GRTP1: variants seen among roughly 807,000 people sequenced by gnomAD.
The protein encoded by GRTP1 is growth hormone-regulated TBC protein 1.
GRTP1 carries 56 observed loss-of-function variants against 38.1 expected under a neutral mutation model. The observed-to-expected ratio is 1.47, with a 90% CI of 1.19 to 1.84. GRTP1 has a LOEUF of 1.84. Among genes scored for constraint, GRTP1 ranks in the 40% most tolerant of loss-of-function variants. GRTP1 has a pLI of 0.00. For synonymous variants in GRTP1, 217 were observed against 189.5 expected (o/e 1.14, Z -1.19); for missense variants, 506 against 453.9 (o/e 1.11, Z -1.04).
intron 5 of GRTP1, among the ~76,000 whole-genome samples, chr13:113,331,359 C>G (rs2139408770): frequency 6.6e-6 from 1 of 152,296 alleles, no homozygotes; most frequent in South Asian, 2.1e-4. Context: ...ATGGCCTTGC[C>G]TCTGTGAGTG....
In GRTP1 at chr13:113,355,503, A is replaced by G; in HGVS notation, c.182-22T>C. ...TTCACTGAAGGCCGAGAGGACGGAC[A>G]GCGTGTGAGCTGGACCAGGGGCCTG... On this transcript the variant is annotated intron_variant, in intron 2 of 7. Coordinates refer to ENST00000375431, the MANE Select transcript of GRTP1 (RefSeq NM_024719.4). The G allele has an allele frequency of 3.1e-6, 5 of 1,594,554 alleles. No homozygotes were observed. In the South Asian group the frequency reaches 5.6e-5, roughly 18 times the overall value.
chr13:113,342,280 C>T lies in GRTP1; in HGVS notation c.562+2583G>A, dbSNP rs2043036473. On this transcript the variant is annotated intron_variant, in intron 5 of 7. Coordinates refer to ENST00000375431, the MANE Select transcript of GRTP1 (RefSeq NM_024719.4). This position sits in a 1 kb window ranked among gnomAD's most constrained non-coding sequence, Gnocchi z 4.5. ...AGTACTGTTGGGAGGCCGAGGCAGG[C>T]GGATCACGAGGTCAGGAGATCGAGA... Among the ~76,000 whole-genome samples the T allele has an allele frequency of 6.6e-6, 1 of 151,982 alleles. No individual in the cohort carries two copies. Among genetic ancestry groups the T allele is most frequent in the Non-Finnish European group, 1.5e-5 (1 of 67,998 alleles).
chr13:113,360,972 T>C (rs1397336466), intron 2 of GRTP1, among the ~76,000 whole-genome samples: 1 of 151,878 alleles, frequency 6.6e-6, no homozygotes. Flanking sequence ...TAGCCGGGCA[T>C]GGTGGCGAGT....
At chr13:113,325,125 C>T (rs982523893) in intron 7 of GRTP1, 9 of 1,018,790 alleles carry the variant, frequency 8.8e-6, no homozygotes, top group East Asian at 9.0e-5. Flanking sequence ...CCACCGCGCC[C>T]GGCCAACATG....
chr13:113,360,633 G>A (rs999948425), intron 2 of GRTP1, among the ~76,000 whole-genome samples: 6 of 152,142 alleles, frequency 3.9e-5, no homozygotes, highest in African/African-American at 1.4e-4. Flanking sequence ...AGAGACACGC[G>A]ATCACTGACT....
At chr13:113,345,540 C>A (rs1281322076) in intron 4 of GRTP1, among the ~76,000 whole-genome samples, 1 of 152,250 alleles carries the variant, frequency 6.6e-6, no homozygotes, top group Non-Finnish European at 1.5e-5. Flanking sequence ...TTCCAGGTGA[C>A]TGCGTTTTAC....
At chr13:113,341,423 C>T (rs756516859) in intron 5 of GRTP1, among the ~76,000 whole-genome samples, 4 of 152,098 alleles carry the variant, frequency 2.6e-5, no homozygotes, top group East Asian at 1.9e-4. Context: ...CCCGCCACCA[C>T]GCCCAGCTAA....
At chr13:113,330,126 T>C (rs1457722651) in intron 5 of GRTP1, among the ~76,000 whole-genome samples, 4 of 145,116 alleles carry the variant, frequency 2.8e-5, no homozygotes, top group Non-Finnish European at 6.0e-5. Context: ...GGTGTGTGCA[T>C]GGAAACCCAG....
At chr13:113,327,446 G>T (rs531541408) in intron 5 of GRTP1, among the ~76,000 whole-genome samples, 18 of 151,914 alleles carry the variant, frequency 1.2e-4, no homozygotes, top group African/African-American at 4.3e-4. Context: ...CAAAAGTGCT[G>T]GGATTACAGG....
rs869240742 is a variant in GRTP1, at chr13:113,352,322, ATTT to A, written c.341-1352_341-1350del. The stretch of plus-strand genomic sequence containing the variant: ...TATATTTTATATATATTTTATATAT[ATTT>A]TTATATATATTTTATATATATATTT... On this transcript the variant is annotated intron_variant, in intron 3 of 7. Transcript: ENST00000375431. 3.9e-3 allele frequency among the ~76,000 whole-genome samples: 231 copies of A among 59,518 alleles called. 1 individual carries two copies. The highest frequency in any genetic ancestry group is 0.013 in the East Asian group (11 of 840). 39.0% of individuals were successfully genotyped at this position (59,518 alleles called of 152,430 possible).
intron 2 of GRTP1, among the ~76,000 whole-genome samples, chr13:113,360,903 G>A (rs2043483382): frequency 6.6e-6 from 1 of 152,086 alleles, no homozygotes; most frequent in Admixed American, 6.6e-5. Context: ...TGGAGCTCAG[G>A]AGTTCGAGAC....
At chr13:113,326,380 G>GGT (rs2042771758) in intron 5 of GRTP1, among the ~76,000 whole-genome samples, 1 of 87,752 alleles carries the variant, frequency 1.1e-5, no homozygotes. Context: ...GGCGCGGTGG[G>GGT]GGGGGGGGGG....
At chr13:113,329,272 A>G (rs962396961) in intron 5 of GRTP1, among the ~76,000 whole-genome samples, 72 of 152,194 alleles carry the variant, frequency 4.7e-4, no homozygotes, top group Non-Finnish European at 6.8e-4. Context: ...AGACATTGGG[A>G]GAGAGCTTAA....
chr13:113,363,569 C>T (rs567649603), intron 2 of GRTP1, among the ~76,000 whole-genome samples, 193 bp downstream of exon 2: 1 of 152,284 alleles, frequency 6.6e-6, no homozygotes, highest in Non-Finnish European at 1.5e-5. Context: ...CCTTCGCGTC[C>T]GACCCGCCGG....
chr13:113,363,008 G>A (rs2043525578), intron 2 of GRTP1, among the ~76,000 whole-genome samples: 1 of 152,224 alleles, frequency 6.6e-6, no homozygotes, highest in African/African-American at 2.4e-5. Context: ...ATCCGTTGCA[G>A]GGAGGAAGGG....
intron 5 of GRTP1, among the ~76,000 whole-genome samples, chr13:113,328,914 C>T (rs1489451226): frequency 6.6e-6 from 1 of 151,288 alleles, no homozygotes; most frequent in Non-Finnish European, 1.5e-5. Flanking sequence ...ATTCCCTTCC[C>T]CGCCCAGAAG....
chr13:113,348,453 G>A lies in GRTP1; in HGVS notation c.465+2396C>T, dbSNP rs552855252. Among the ~76,000 whole-genome samples, 1 of 152,240 alleles carries A rather than the reference G, an allele frequency of 6.6e-6. No individual in the cohort carries two copies. Among genetic ancestry groups the A allele is most frequent in the South Asian group, 2.1e-4 (1 of 4,830 alleles). ...GTGACAGAGCGAGACCGTGTGCACT[G>A]TGTAACTCTACACATATGCCACACA... On this transcript the variant is annotated intron_variant, in intron 4 of 7. Coordinates refer to ENST00000375431, the MANE Select transcript of GRTP1 (RefSeq NM_024719.4). This position sits in a 1 kb window ranked among gnomAD's most constrained non-coding sequence, Gnocchi z 4.8.
At position 113,325,933 on chromosome 13, in the gene GRTP1, T is replaced by G; in HGVS notation, c.721A>C (p.Ile241Leu). 6.2e-7 allele frequency: 1 copy of G among 1,613,750 alleles called. No homozygotes were observed. The highest frequency in any genetic ancestry group is 8.5e-7 in the Non-Finnish European group (1 of 1,179,914). Residue 241 changes from isoleucine to leucine, a missense_variant, in exon 6 of 8, where the codon ATC becomes CTC. Physicochemically the swap from Ile to Leu is conservative, Grantham distance 5. Transcript: ENST00000375431. ...SRWFICLFVD[I>L]LPVETVLRIW... ...GAGGCGCTCACCTCCACGGGCAAGA[T>G]GTCCACAAACAGGCAGATGAACCAG...
intron 5 of GRTP1, among the ~76,000 whole-genome samples, chr13:113,338,448 A>C (rs1224606373): frequency 6.6e-6 from 1 of 152,054 alleles, no homozygotes; most frequent in Non-Finnish European, 1.5e-5. Context: ...TGAGCGATGA[A>C]CCAAACAGTC....
Sources: allele counts gnomAD v4.1 joint callset (sites outside exome capture counted in the v4.1 genomes callset), GRCh38; gene constraint gnomAD v4.1.1; non-coding constraint Gnocchi (gnomAD v3.1); transcripts MANE v1.5; gene names NCBI Gene and HGNC (gene_info 2026-07-23, HGNC 2026-07-21).